Variants in WDR6 observed in about 807,000 individuals in gnomAD.
The protein encoded by WDR6 is tRNA (34-2'-O)-methyltransferase regulator WDR6.
In WDR6, 58 loss-of-function variants were observed where a neutral mutation model predicts 85.6. That is an observed-to-expected ratio of 0.68 (90% confidence interval 0.55 to 0.84). The LOEUF (loss-of-function observed/expected upper bound fraction) is 0.84, where lower values mean the gene tolerates loss of function less well. Ranked by LOEUF, WDR6 falls within the 40% of genes least tolerant of loss-of-function variation. The probability of loss-of-function intolerance (pLI) is 0.00; values close to 1 mark genes in which losing one functional copy is unlikely to be tolerated. For missense variants in WDR6, 1,310 were observed against 1,476.4 expected (o/e 0.89, Z 1.85); for synonymous variants, 569 against 582.2 (o/e 0.98, Z 0.33).
At position 49,007,607 on chromosome 3, in the gene WDR6, C is replaced by A; in HGVS notation, c.100+76C>A. The A allele has an allele frequency of 6.7e-7, 1 of 1,482,552 alleles. No individual in the cohort carries two copies. 91.8% of individuals were successfully genotyped at this position (1,482,552 alleles called of 1,614,324 possible). A position where few individuals can be genotyped will look rare whatever the true frequency, so the allele number is the denominator to read the frequency against. Reference sequence around the variant, plus strand: ...CCTCCCAGGGGCGGTGCCACAGGGACAAAAGGGGTGCCCTGAGGAGAAGGA... The same window carrying A: ...CCTCCCAGGGGCGGTGCCACAGGGAAAAAAGGGGTGCCCTGAGGAGAAGGA... On this transcript the variant is annotated intron_variant, in intron 1 of 5. Transcript: ENST00000608424. The surrounding 1 kb of genome is among the most constrained non-coding windows in gnomAD (Gnocchi z 5.1).
rs1400261449 is a variant in WDR6 at position 49,015,392 on chromosome 3, G to A, written c.*104G>A. 16 of 1,471,084 alleles carry A rather than the reference G, an allele frequency of 1.1e-5. No individual in the cohort carries two copies. Among genetic ancestry groups the A allele is most frequent in the Non-Finnish European group, 1.4e-5 (15 of 1,084,822 alleles). The allele number at this position is 1,471,084 out of a possible 1,614,324, so 91.1% of individuals were successfully genotyped here. A position where few individuals can be genotyped will look rare whatever the true frequency, so the allele number is the denominator to read the frequency against. On this transcript the variant is annotated 3_prime_UTR_variant, in exon 6 of 6. Transcript: ENST00000608424. ...CATGCTCAGCATGCCTTGAGGGGAG[G>A]AGGTGGTGGCCGTGGGTTCCTGATG... is the stretch of plus-strand genomic sequence containing the variant.
rs1230224822 is a variant in WDR6, at chr3:49,012,649, A to G, written c.1115A>G (p.Tyr372Cys). The change falls in exon 2 of 6, where the codon TAT (tyrosine) becomes TGT (cysteine). Residue 372 changes from tyrosine to cysteine, a missense_variant. Physicochemically the swap from Tyr to Cys is radical, Grantham distance 194. Coordinates refer to ENST00000608424, the MANE Select transcript of WDR6 (RefSeq NM_018031.6). This position sits in a 1 kb window ranked among gnomAD's most constrained non-coding sequence, Gnocchi z 4.4. ...GCAGTGACTGATACAGGGGCCCTGT[A>G]TCTCTATGACGTCGAGGTCAAGTGC... Reference protein sequence around the residue: ...LLAVTDTGALYLYDVEVKCWE... With the variant: ...LLAVTDTGALCLYDVEVKCWE... The G allele has an allele frequency of 6.2e-7, 1 of 1,614,036 alleles. No individual in the cohort carries two copies. Among genetic ancestry groups the G allele is most frequent in the South Asian group, 1.1e-5 (1 of 91,084 alleles).
chr3:49,012,135 C>T lies in WDR6; in HGVS notation c.601C>T (p.Pro201Ser). 1.2e-6 allele frequency: 2 copies of T among 1,614,142 alleles called. No individual in the cohort carries two copies. The highest frequency in any genetic ancestry group is 1.7e-6 in the Non-Finnish European group (2 of 1,180,040). ...TALADNKPVAPDRRISGHVGI... is the reference protein window; with the variant it reads ...TALADNKPVASDRRISGHVGI... ...CTTAGCAGACAACAAACCTGTAGCACCTGACCGACGAATCAGTGGGCATGT... is the reference window on the plus strand; with the variant it reads ...CTTAGCAGACAACAAACCTGTAGCATCTGACCGACGAATCAGTGGGCATGT... Residue 201 changes from proline (P) to serine (S), a missense_variant, in exon 2 of 6, where the codon CCT (proline) becomes TCT (serine). Physicochemically the swap from Pro to Ser is moderately conservative, Grantham distance 74. Transcript: ENST00000608424. This position sits in a 1 kb window ranked among gnomAD's most constrained non-coding sequence, Gnocchi z 4.4.
chr3:49,012,327 A>G lies in WDR6; in HGVS notation c.793A>G (p.Lys265Glu), dbSNP rs1243900459. The G allele has an allele frequency of 4.3e-6, 7 of 1,614,204 alleles. No homozygotes were observed. Among genetic ancestry groups the G allele is most frequent in the Non-Finnish European group, 5.9e-6 (7 of 1,180,036 alleles). ...FGHSARVWQVKLLENYLISAG... is the reference protein window; with the variant it reads ...FGHSARVWQVELLENYLISAG... Reference sequence around the variant, plus strand: ...GCACAGCGCCCGTGTGTGGCAGGTCAAGCTTCTAGAGAATTACCTTATCAG... The same window carrying G: ...GCACAGCGCCCGTGTGTGGCAGGTCGAGCTTCTAGAGAATTACCTTATCAG... The change falls in exon 2 of 6, where the codon AAG becomes GAG. Residue 265 changes from lysine to glutamate, a missense_variant. Coordinates refer to ENST00000608424, the MANE Select transcript of WDR6 (RefSeq NM_018031.6). This position sits in a 1 kb window ranked among gnomAD's most constrained non-coding sequence, Gnocchi z 4.4.
In WDR6 at chr3:49,007,585, C is replaced by G; in HGVS notation, c.100+54C>G. On this transcript the variant is annotated intron_variant, in intron 1 of 5. Transcript: ENST00000608424. This position sits in a 1 kb window ranked among gnomAD's most constrained non-coding sequence, Gnocchi z 5.1. ...GGAAAGGGGGAAAGAAACAGCGCCT[C>G]CCAGGGGCGGTGCCACAGGGACAAA... is the stretch of plus-strand genomic sequence containing the variant. 6.5e-7 allele frequency: 1 copy of G among 1,536,120 alleles called. No individual in the cohort carries two copies. The highest frequency in any genetic ancestry group is 8.8e-7 in the Non-Finnish European group (1 of 1,134,354).
rs760548191 is a variant in WDR6 at position 49,011,639 on chromosome 3, G to C, written c.105G>C (p.Glu35Asp). 1.9e-6 allele frequency: 3 copies of C among 1,613,616 alleles called. No individual in the cohort carries two copies. Among genetic ancestry groups the C allele is most frequent in the Non-Finnish European group, 2.5e-6 (3 of 1,179,704 alleles). Residue 35 changes from glutamate (E) to aspartate (D), a missense_variant, in exon 2 of 6, where the codon GAG becomes GAC. By Grantham distance (45) the Glu-to-Asp change is conservative (BLOSUM62 2). Transcript: ENST00000608424. ...ECVGDRLLAG[E>D]GPDVLVYSLD... Reference sequence around the variant, plus strand: ...TGGCTCTTTGCCTCTATCTAGGTGAGGGTCCCGATGTCCTGGTGTACAGCT... The same window carrying C: ...TGGCTCTTTGCCTCTATCTAGGTGACGGTCCCGATGTCCTGGTGTACAGCT...
At chr3:49,010,138 G>A (rs962277689) in intron 1 of WDR6, among the ~76,000 whole-genome samples, 4 of 152,114 alleles carry the variant, frequency 2.6e-5, no homozygotes, top group Non-Finnish European at 5.9e-5. Context: ...TGGGCGCGGT[G>A]GCTCACGCCT....
At position 49,011,962 on chromosome 3, in the gene WDR6, C is replaced by A. The variant is rs62262473; in HGVS notation, c.428C>A (p.Pro143His). 1 of 1,614,066 alleles carries A rather than the reference C, an allele frequency of 6.2e-7. No individual in the cohort carries two copies. Among genetic ancestry groups the A allele is most frequent in the African/African-American group, 1.3e-5 (1 of 74,920 alleles). ...CACAACTCAGTGGTGCTATATGACC[C>A]TGTAGTAGGGTGCATCCTGCAAGAG... The part of the protein sequence containing the change: ...LGHNSVVLYD[P>H]VVGCILQEVP... Residue 143 changes from proline (P) to histidine (H), a missense_variant, in exon 2 of 6, where the codon CCT becomes CAT. Physicochemically the swap from Pro to His is moderately conservative, Grantham distance 77. Transcript: ENST00000608424.
Position 49,007,857 on chromosome 3 carries a change from G to A in WDR6, c.100+326G>A, listed in dbSNP as rs2092991967. On this transcript the variant is annotated intron_variant, in intron 1 of 5. Coordinates refer to ENST00000608424, the MANE Select transcript of WDR6 (RefSeq NM_018031.6). The surrounding 1 kb of genome is among the most constrained non-coding windows in gnomAD (Gnocchi z 5.1). ...CGGAGGCCCGGGAGCTGAGGGTTGA[G>A]GGGGTGTGCTCCCTTCTAGGAGATG... Among the ~76,000 whole-genome samples the A allele has an allele frequency of 6.6e-6, 1 of 151,946 alleles. No individual in the cohort carries two copies. The highest frequency in any genetic ancestry group is 6.5e-5 in the Admixed American group (1 of 15,276).
rs1047025735 is a variant in WDR6 at position 49,014,536 on chromosome 3, G to A, written c.2783+37G>A. On this transcript the variant is annotated intron_variant, in intron 4 of 5. Transcript: ENST00000608424. This position sits in a 1 kb window ranked among gnomAD's most constrained non-coding sequence, Gnocchi z 4.9. The stretch of plus-strand genomic sequence containing the variant: ...TGGATGATGGTCCTGCATGGGCTGG[G>A]TTGGGGGGTTCCTGTTGAGCTTCAT... The A allele has an allele frequency of 2.5e-6, 4 of 1,613,784 alleles. No homozygotes were observed. The highest frequency in any genetic ancestry group is 1.1e-5 in the South Asian group (1 of 91,078).
intron 1 of WDR6, chr3:49,011,383 C>G: frequency 7.3e-7 from 1 of 1,377,162 alleles, no homozygotes; most frequent in Non-Finnish European, 9.6e-7. Flanking sequence ...CTGGCCGAGA[C>G]CAAGGATTTT....
chr3:49,012,906 C>T lies in WDR6; in HGVS notation c.1372C>T (p.Pro458Ser), dbSNP rs767733440. ...GGAGCTCCTGTTGCTGGCATCGGGC[C>T]CTGGCGGGGTAGTAGCTTGCCTAGA... The part of the protein sequence containing the change: ...YEELLLLASG[P>S]GGVVACLEIS... The change falls in exon 2 of 6, where the codon CCT (proline) becomes TCT (serine). Residue 458 changes from proline to serine, a missense_variant. Transcript: ENST00000608424. This position sits in a 1 kb window ranked among gnomAD's most constrained non-coding sequence, Gnocchi z 4.4. 1 of 1,613,828 alleles carries T rather than the reference C, an allele frequency of 6.2e-7. No homozygotes were observed. Among genetic ancestry groups the T allele is most frequent in the East Asian group, 2.2e-5 (1 of 44,868 alleles).
In WDR6 at chr3:49,014,046, C is replaced by G. The variant is rs376834116; in HGVS notation, c.2512C>G (p.His838Asp). ...CTGCCATGTCATGCACCTTTCGTCCCACCGGCTAGATGAGTATTGGGACCG... is the reference window on the plus strand; with the variant it reads ...CTGCCATGTCATGCACCTTTCGTCCGACCGGCTAGATGAGTATTGGGACCG... ...LACHVMHLSS[H>D]RLDEYWDRQR... The change falls in exon 2 of 6, where the codon CAC becomes GAC. Residue 838 changes from histidine to aspartate, a missense_variant. Coordinates refer to ENST00000608424, the MANE Select transcript of WDR6 (RefSeq NM_018031.6). This position sits in a 1 kb window ranked among gnomAD's most constrained non-coding sequence, Gnocchi z 4.9. The G allele has an allele frequency of 3.7e-6, 6 of 1,612,834 alleles. No individual in the cohort carries two copies. The highest frequency in any genetic ancestry group is 5.1e-6 in the Non-Finnish European group (6 of 1,180,020).
intron 1 of WDR6, chr3:49,011,406 T>C: frequency 6.9e-7 from 1 of 1,441,458 alleles, no homozygotes. Flanking sequence ...TTTTTTTTTT[T>C]TTCTTTTGAG....
rs1035785210 is a variant in WDR6, at chr3:49,013,247, T to A, written c.1713T>A (p.Gly571=). ...STLPSLHGKQ[G]VTSVTCHGGY... is the part of the protein sequence containing the mutation. ...TGCCCTCTCTGCACGGGAAGCAGGG[T>A]GTGACCTCAGTCACATGCCATGGTG... The change falls in exon 2 of 6, where the codon GGT becomes GGA. Residue 571 remains glycine (G), a synonymous_variant. Transcript: ENST00000608424. This position sits in a 1 kb window ranked among gnomAD's most constrained non-coding sequence, Gnocchi z 4.6. The A allele has an allele frequency of 6.2e-7, 1 of 1,613,906 alleles. No individual in the cohort carries two copies. Among genetic ancestry groups the A allele is most frequent in the Admixed American group, 1.7e-5 (1 of 59,978 alleles).
In WDR6 at chr3:49,007,522, C is replaced by T; in HGVS notation, c.91C>T (p.Leu31=). ...GGGTCTGGAGTGCGTGGGGGACCGG[C>T]TGTTGGCGGGTGAGGCTTGGCTTGA... ...VTGLECVGDR[L]LAGEGPDVLV... Residue 31 remains leucine, a synonymous_variant, in exon 1 of 6, where the codon CTG becomes TTG. Coordinates refer to ENST00000608424, the MANE Select transcript of WDR6 (RefSeq NM_018031.6). The surrounding 1 kb of genome is among the most constrained non-coding windows in gnomAD (Gnocchi z 5.1). The T allele has an allele frequency of 6.3e-7, 1 of 1,595,486 alleles. No individual in the cohort carries two copies. The highest frequency in any genetic ancestry group is 8.6e-7 in the Non-Finnish European group (1 of 1,165,740).
Position 49,015,168 on chromosome 3 carries a change from T to C in WDR6, c.3246T>C (p.Asn1082=), listed in dbSNP as rs768997124. The change falls in exon 6 of 6, where the codon AAT becomes AAC. Residue 1082 remains asparagine (N), a synonymous_variant. Coordinates refer to ENST00000608424, the MANE Select transcript of WDR6 (RefSeq NM_018031.6). ...GGCATGGTGAACCCACCTTCATGAATAGCACTGTGTTCCATGTGCCTGATG... is the reference window on the plus strand; with the variant it reads ...GGCATGGTGAACCCACCTTCATGAACAGCACTGTGTTCCATGTGCCTGATG... ...RLGHGEPTFM[N]STVFHVPDVA... 6.2e-7 allele frequency: 1 copy of C among 1,613,942 alleles called. No homozygotes were observed.
intron 1 of WDR6, chr3:49,009,059 T>G (rs2093000633): frequency 6.6e-6 from 1 of 152,378 alleles, no homozygotes; most frequent in Admixed American, 6.5e-5. Flanking sequence ...TTGTTGTATT[T>G]TTAGTAGAGA....
In WDR6 at chr3:49,014,695, C is replaced by T. The variant is rs151258391; in HGVS notation, c.2879C>T (p.Pro960Leu). The T allele has an allele frequency of 8.1e-6, 13 of 1,613,168 alleles. No homozygotes were observed. The highest frequency in any genetic ancestry group is 2.2e-5 in the South Asian group (2 of 91,088). The change falls in exon 5 of 6, where the codon CCA becomes CTA. Residue 960 changes from proline (P) to leucine (L), a missense_variant. By Grantham distance (98) the Pro-to-Leu change is moderately conservative (BLOSUM62 -3). Coordinates refer to ENST00000608424, the MANE Select transcript of WDR6 (RefSeq NM_018031.6). This position sits in a 1 kb window ranked among gnomAD's most constrained non-coding sequence, Gnocchi z 4.9. Reference protein sequence around the residue: ...LDHDSTVLEPPVDPGLPYRLG... With the variant: ...LDHDSTVLEPLVDPGLPYRLG... ...CATGACTCCACTGTCCTGGAGCCTCCAGTGGATCCTGGGCTTCCCTACCGT... is the reference window on the plus strand; with the variant it reads ...CATGACTCCACTGTCCTGGAGCCTCTAGTGGATCCTGGGCTTCCCTACCGT...
Sources: allele counts gnomAD v4.1 joint callset (sites outside exome capture counted in the v4.1 genomes callset), GRCh38; gene constraint gnomAD v4.1.1; non-coding constraint Gnocchi (gnomAD v3.1); transcripts MANE v1.5; gene names NCBI Gene and HGNC (gene_info 2026-07-23, HGNC 2026-07-21).